FRS2: variants seen among roughly 807,000 people sequenced by gnomAD.
The protein encoded by FRS2 is fibroblast growth factor receptor substrate 2, also known as FGFR signalling adaptor.
In FRS2, 8 loss-of-function variants were observed where a neutral mutation model predicts 43.9. The ratio of observed to expected loss-of-function variants is 0.18; its 90% confidence interval spans 0.11 to 0.33. The LOEUF (loss-of-function observed/expected upper bound fraction) is 0.33, where lower values mean the gene tolerates loss of function less well. Among genes scored for constraint, FRS2 ranks in the 10% least tolerant of loss-of-function variants. The pLI is 1.00. For missense variants in FRS2, 534 were observed against 627.6 expected, an observed-to-expected ratio of 0.85 and a Z score of 1.59; for synonymous variants, 219 against 220.3, an observed-to-expected ratio of 0.99 and a Z score of 0.05.
At chr12:69,522,190 TTGTGTGTGTGTGTGTGTGTG>T (rs201103216) in intron 1 of FRS2, among the ~76,000 whole-genome samples, 70 of 134,822 alleles carry the variant, frequency 5.2e-4, no homozygotes, top group South Asian at 1.3e-3. Context: ...GAAGTTTTCT[TTGTGTGTGTGTGTGTGTGTG>T]TGTGTGTGTG....
At chr12:69,541,613 C>G (rs547624909) in intron 3 of FRS2, among the ~76,000 whole-genome samples, 1 of 151,984 alleles carries the variant, frequency 6.6e-6, no homozygotes, top group African/African-American at 2.4e-5. Flanking sequence ...ATCACTTGAG[C>G]CTGGGAGTTT....
At chr12:69,474,615 G>T (rs148292071) in intron 1 of FRS2, among the ~76,000 whole-genome samples, 31 of 152,228 alleles carry the variant, frequency 2.0e-4, no homozygotes, top group African/African-American at 7.5e-4. Context: ...TCTTGCCCTG[G>T]GTAGCAAGAA....
chr12:69,510,745 G>A (rs917220547), intron 1 of FRS2, among the ~76,000 whole-genome samples: 1 of 152,142 alleles, frequency 6.6e-6, no homozygotes, highest in Non-Finnish European at 1.5e-5. Flanking sequence ...AGCATGGAAT[G>A]TGGTGAACAT....
At chr12:69,573,264 A>T (rs1055117725) in intron 8 of FRS2, among the ~76,000 whole-genome samples, 3 of 152,214 alleles carry the variant, frequency 2.0e-5, no homozygotes, top group Non-Finnish European at 4.4e-5. Flanking sequence ...AGTGGAGTTA[A>T]TCTTCTTATA....
intron 1 of FRS2, among the ~76,000 whole-genome samples, chr12:69,529,792 G>C (rs950252428): frequency 6.6e-6 from 1 of 152,156 alleles, no homozygotes; most frequent in African/African-American, 2.4e-5. Context: ...GGATGTGGCA[G>C]CTCACGCCTG....
chr12:69,555,107 C>T (rs943299373), intron 3 of FRS2, among the ~76,000 whole-genome samples: 2 of 151,672 alleles, frequency 1.3e-5, no homozygotes, highest in African/African-American at 4.9e-5. Context: ...TGCAGTGGCG[C>T]AATCTCAGCT....
At chr12:69,531,080 A>G (rs1386487771) in intron 2 of FRS2, 120 bp downstream of exon 2, 2 of 152,094 alleles carry the variant, frequency 1.3e-5, no homozygotes, top group Admixed American at 6.6e-5. Flanking sequence ...CTGTACTCCC[A>G]ACACTTTGGG....
At chr12:69,504,258 G>A (rs1173828321) in intron 1 of FRS2, among the ~76,000 whole-genome samples, 4 of 152,130 alleles carry the variant, frequency 2.6e-5, no homozygotes, top group Non-Finnish European at 5.9e-5. Flanking sequence ...CCAGCTATTC[G>A]GGAAGCTGAG....
intron 1 of FRS2, among the ~76,000 whole-genome samples, chr12:69,474,721 C>G (rs990788943): frequency 6.6e-6 from 1 of 152,122 alleles, no homozygotes; most frequent in Non-Finnish European, 1.5e-5. Context: ...GCTATGTTAG[C>G]TTGTTTCTTT....
chr12:69,510,384 T>C (rs918491147), intron 1 of FRS2, among the ~76,000 whole-genome samples: 9 of 152,202 alleles, frequency 5.9e-5, no homozygotes, highest in Admixed American at 3.3e-4. Flanking sequence ...ACGCTAGATA[T>C]CTGTATTACA....
chr12:69,532,008 T>G lies in FRS2; in HGVS notation c.-164-6T>G, dbSNP rs1214369423. ...CATTTCCACTTTCTACCTGAAATTT[T>G]TTTAGGAACAAAATTGTATCTGTTT... On this transcript the variant is annotated splice_polypyrimidine_tract_variant and splice_region_variant and intron_variant, in intron 2 of 8. Coordinates refer to ENST00000549921, the MANE Select transcript of FRS2 (RefSeq NM_001278356.2). The G allele has an allele frequency of 6.6e-6, 1 of 152,634 alleles. No homozygotes were observed. The highest frequency in any genetic ancestry group is 1.5e-5 in the Non-Finnish European group (1 of 68,036). The allele number at this position is 152,634 out of a possible 1,614,324, so 9.5% of individuals were successfully genotyped here.
At chr12:69,476,919 G>A (rs940311251) in intron 1 of FRS2, among the ~76,000 whole-genome samples, 2 of 152,164 alleles carry the variant, frequency 1.3e-5, no homozygotes, top group Non-Finnish European at 2.9e-5. Flanking sequence ...AAGGCAAAAT[G>A]TTCAGGTTAA....
intron 1 of FRS2, among the ~76,000 whole-genome samples, chr12:69,521,916 G>A (rs1875698856): frequency 6.6e-6 from 1 of 152,138 alleles, no homozygotes; most frequent in Non-Finnish European, 1.5e-5. Flanking sequence ...GCCCAGCCTT[G>A]TTGAGAGTTT....
chr12:69,570,286 A>T lies in FRS2; in HGVS notation c.67-45A>T, dbSNP rs778552295. 23 of 1,390,890 alleles carry T rather than the reference A, an allele frequency of 1.7e-5. No homozygotes were observed. In the South Asian group the frequency reaches 2.5e-4, roughly 15 times the overall value. 86.2% of individuals were successfully genotyped at this position (1,390,890 alleles called of 1,614,324 possible). A position where few individuals can be genotyped will look rare whatever the true frequency, so the allele number is the denominator to read the frequency against. ...TAATTAGCAACAATGCATTTTCCTG[A>T]CGAATTGGTGACATATTTGCATGAC... On this transcript the variant is annotated intron_variant, in intron 5 of 8. Transcript: ENST00000549921.
chr12:69,566,729 A>G (rs1880331277), intron 4 of FRS2, among the ~76,000 whole-genome samples: 1 of 152,232 alleles, frequency 6.6e-6, no homozygotes, highest in Non-Finnish European at 1.5e-5. Context: ...TGGTGCAGAA[A>G]GATAAACATT....
chr12:69,539,111 G>T (rs145506239), intron 3 of FRS2, among the ~76,000 whole-genome samples: 1 of 152,194 alleles, frequency 6.6e-6, no homozygotes, highest in African/African-American at 2.4e-5. Context: ...GTCTCACTCT[G>T]TTGCCCAGGC....
intron 1 of FRS2, among the ~76,000 whole-genome samples, chr12:69,529,909 A>C (rs1443341783): frequency 1.3e-5 from 2 of 151,574 alleles, no homozygotes; most frequent in African/African-American, 4.9e-5. Flanking sequence ...AAAATACAAA[A>C]ATTAGCCAGG....
chr12:69,480,692 C>T (rs1265769644), intron 1 of FRS2, among the ~76,000 whole-genome samples: 1 of 152,138 alleles, frequency 6.6e-6, no homozygotes, highest in Non-Finnish European at 1.5e-5. Flanking sequence ...TATTCAGTTC[C>T]TTCTTAAGAC....
chr12:69,525,235 CTA>C (rs1876096421), intron 1 of FRS2, among the ~76,000 whole-genome samples: 3 of 150,896 alleles, frequency 2.0e-5, no homozygotes, highest in African/African-American at 7.3e-5. Context: ...ATGTCATGGC[CTA>C]GAATGTGTGT....
Sources: allele counts gnomAD v4.1 joint callset (sites outside exome capture counted in the v4.1 genomes callset), GRCh38; gene constraint gnomAD v4.1.1; transcripts MANE v1.5; gene names NCBI Gene and HGNC (gene_info 2026-07-23, HGNC 2026-07-21).